Variants in RABGAP1L observed in about 807,000 individuals in gnomAD.
The protein encoded by RABGAP1L is rab GTPase-activating protein 1-like.
Under a neutral mutation model 137.7 loss-of-function variants are expected in RABGAP1L, and 63 were observed. The ratio of observed to expected loss-of-function variants is 0.46; its 90% confidence interval spans 0.37 to 0.56. RABGAP1L has a LOEUF of 0.56. Ranked by LOEUF, RABGAP1L falls within the 20% of genes least tolerant of loss-of-function variation. RABGAP1L has a pLI of 0.00. For missense variants in RABGAP1L, 1,095 were observed against 1,244.0 expected, an observed-to-expected ratio of 0.88 and a Z score of 1.80; for synonymous variants, 431 against 433.7, an observed-to-expected ratio of 0.99 and a Z score of 0.08.
At chr1:174,188,132 A>G (rs1666944916) in intron 1 of RABGAP1L, among the ~76,000 whole-genome samples, 1 of 152,148 alleles carries the variant, frequency 6.6e-6, no homozygotes, top group Non-Finnish European at 1.5e-5. Context: ...GTTTGTCTTT[A>G]TATTAGGTCT....
chr1:174,257,858 AT>A (rs1673254551), intron 7 of RABGAP1L, among the ~76,000 whole-genome samples: 1 of 152,196 alleles, frequency 6.6e-6, no homozygotes, highest in Non-Finnish European at 1.5e-5. Flanking sequence ...GTTTTGAGAT[AT>A]GTATACTTGT....
chr1:174,574,395 G>A lies in RABGAP1L; in HGVS notation c.1711-62980G>A, dbSNP rs190281417. The stretch of plus-strand genomic sequence containing the variant: ...TTTTAGTTTTTTTTAATCGATTTAC[G>A]TCTGAAGGCTCATATCGATCTTGTT... On this transcript the variant is annotated intron_variant, in intron 13 of 25. Transcript: ENST00000681986. Among the ~76,000 whole-genome samples the A allele has an allele frequency of 4.3e-3, 659 of 151,882 alleles. 5 individuals are homozygous for A. The highest frequency in any genetic ancestry group is 6.9e-3 in the South Asian group (33 of 4,810).
At chr1:174,925,311 G>A (rs1233003707) in intron 19 of RABGAP1L, among the ~76,000 whole-genome samples, 1 of 129,290 alleles carries the variant, frequency 7.7e-6, no homozygotes, top group Non-Finnish European at 1.5e-5. Context: ...TCACGCCACT[G>A]CACTCCAGCC....
intron 14 of RABGAP1L, among the ~76,000 whole-genome samples, chr1:174,653,480 T>C (rs994038498): frequency 6.6e-6 from 1 of 152,148 alleles, no homozygotes; most frequent in Non-Finnish European, 1.5e-5. Context: ...AAGTGTCATA[T>C]CTGGGCCAGA....
intron 18 of RABGAP1L, among the ~76,000 whole-genome samples, chr1:174,782,383 A>G (rs1687082766): frequency 6.6e-6 from 1 of 152,178 alleles, no homozygotes; most frequent in Non-Finnish European, 1.5e-5. Flanking sequence ...TTATTGGTGT[A>G]TAAGAATACT....
At chr1:174,492,157 C>T (rs1269273372) in intron 13 of RABGAP1L, among the ~76,000 whole-genome samples, 3 of 150,702 alleles carry the variant, frequency 2.0e-5, no homozygotes. Context: ...CATCTTGCTC[C>T]ACCCTCTATG....
intron 14 of RABGAP1L, among the ~76,000 whole-genome samples, chr1:174,665,958 G>A (rs760637890): frequency 4.6e-5 from 7 of 152,136 alleles, no homozygotes; most frequent in South Asian, 4.1e-4. Context: ...GTATTCTTGC[G>A]TACTATATTA....
At chr1:174,387,228 C>T (rs1686869320) in intron 12 of RABGAP1L, among the ~76,000 whole-genome samples, 1 of 152,192 alleles carries the variant, frequency 6.6e-6, no homozygotes, top group Non-Finnish European at 1.5e-5. Flanking sequence ...CAAGTCACTT[C>T]ATTCATTCAT....
intron 10 of RABGAP1L, among the ~76,000 whole-genome samples, chr1:174,285,104 C>T (rs988778573): frequency 2.6e-5 from 4 of 152,112 alleles, no homozygotes; most frequent in African/African-American, 7.2e-5. Flanking sequence ...GCAACCTCTG[C>T]CTCCCGGGTT....
At chr1:174,506,908 A>C (rs912349105) in intron 13 of RABGAP1L, among the ~76,000 whole-genome samples, 1 of 152,176 alleles carries the variant, frequency 6.6e-6, no homozygotes, top group African/African-American at 2.4e-5. Context: ...CAGAAGTTCG[A>C]GTCCACCCTG....
chr1:174,576,166 C>T (rs1011480620), intron 13 of RABGAP1L, among the ~76,000 whole-genome samples: 1 of 152,142 alleles, frequency 6.6e-6, no homozygotes, highest in African/African-American at 2.4e-5. Context: ...TCCATAGAAA[C>T]AGGATGTGAG....
intron 13 of RABGAP1L, among the ~76,000 whole-genome samples, chr1:174,445,397 CATATTA>C (rs2149242847): frequency 1.3e-5 from 2 of 151,910 alleles, no homozygotes; most frequent in African/African-American, 4.8e-5. Context: ...CCTTTTTTTT[CATATTA>C]GGATAAAAAG....
At chr1:174,227,507 T>G (rs1239332230) in intron 3 of RABGAP1L, among the ~76,000 whole-genome samples, 2 of 152,062 alleles carry the variant, frequency 1.3e-5, no homozygotes, top group African/African-American at 4.8e-5. Context: ...AGCTGACCAT[T>G]TACCTTTGAT....
intron 18 of RABGAP1L, among the ~76,000 whole-genome samples, chr1:174,779,422 A>T (rs1258741426): frequency 1.3e-5 from 2 of 152,164 alleles, no homozygotes; most frequent in Non-Finnish European, 2.9e-5. Context: ...TTCTTCAATT[A>T]AACTGTTTAT....
chr1:174,802,437 A>G (rs1480523922), intron 18 of RABGAP1L, among the ~76,000 whole-genome samples: 1 of 152,154 alleles, frequency 6.6e-6, no homozygotes, highest in African/African-American at 2.4e-5. Flanking sequence ...GAGAAACCCC[A>G]TCTCTACTAA....
chr1:174,794,427 A>G (rs116782719), intron 18 of RABGAP1L, among the ~76,000 whole-genome samples: 3,192 of 152,300 alleles, frequency 0.021, 122 homozygotes, highest in African/African-American at 0.074. Context: ...AATGAAAAAA[A>G]CTACTAGTTG....
chr1:174,769,021 T>C (rs890345209), intron 18 of RABGAP1L, among the ~76,000 whole-genome samples: 1 of 152,170 alleles, frequency 6.6e-6, no homozygotes. Context: ...ATTACTACTG[T>C]CACCACCATT....
chr1:174,869,899 G>T (rs984566624), intron 19 of RABGAP1L, among the ~76,000 whole-genome samples: 2 of 152,082 alleles, frequency 1.3e-5, no homozygotes, highest in Admixed American at 6.6e-5. Context: ...CACCAAATCT[G>T]CCAGCACCTT....
At chr1:174,350,888 A>C (rs1378933963) in intron 11 of RABGAP1L, among the ~76,000 whole-genome samples, 1 of 102,984 alleles carries the variant, frequency 9.7e-6, no homozygotes. Context: ...TAGGGGCTGG[A>C]GACCGGCCCG....
Sources: allele counts gnomAD v4.1 joint callset (sites outside exome capture counted in the v4.1 genomes callset), GRCh38; gene constraint gnomAD v4.1.1; transcripts MANE v1.5; gene names NCBI Gene and HGNC (gene_info 2026-07-23, HGNC 2026-07-21).